Variants in PCSK5 observed in about 807,000 individuals in gnomAD.
PCSK5 encodes proprotein convertase subtilisin/kexin type 5.
A neutral mutation model predicts 233.2 loss-of-function variants in PCSK5; 129 were observed. That is an observed-to-expected ratio of 0.55 (90% CI 0.48 to 0.64). PCSK5 has a LOEUF of 0.64. Ranked by LOEUF, PCSK5 falls within the 30% of genes least tolerant of loss-of-function variation. The pLI is 0.00. For synonymous variants in PCSK5, 825 were observed against 879.2 expected (o/e 0.94, Z 1.09); for missense variants, 2,076 against 2,430.1 (o/e 0.85, Z 3.06).
intron 24 of PCSK5, among the ~76,000 whole-genome samples, chr9:76,241,437 A>G (rs1826428651): frequency 6.6e-6 from 1 of 152,200 alleles, no homozygotes; most frequent in South Asian, 2.1e-4. Context: ...GCCAGACTCC[A>G]TCTTAAAACA....
At chr9:76,051,314 C>T (rs1010542695) in intron 5 of PCSK5, among the ~76,000 whole-genome samples, 18 of 152,140 alleles carry the variant, frequency 1.2e-4, no homozygotes, top group Non-Finnish European at 1.5e-4. Context: ...GAATATTCCC[C>T]GCCAAGACTG....
intron 13 of PCSK5, among the ~76,000 whole-genome samples, chr9:76,170,464 A>G (rs1823283279): frequency 6.6e-6 from 1 of 152,226 alleles, no homozygotes; most frequent in Non-Finnish European, 1.5e-5. Flanking sequence ...GCTAACCTGT[A>G]AAGCTTGTTT....
At position 76,361,016 on chromosome 9, in the gene PCSK5, T is replaced by C. The variant is rs959545661; in HGVS notation, c.*2094T>C. ...AGTTTTCAGAGATCATACATGTACA[T>C]GTATGATATGCCTCCAAAAATTTTG... On this transcript the variant is annotated 3_prime_UTR_variant, in exon 38 of 38. Coordinates refer to ENST00000674117, the MANE Select transcript of PCSK5 (RefSeq NM_001372043.1). 1 of 152,194 alleles carries C rather than the reference T, an allele frequency of 6.6e-6. No individual in the cohort carries two copies. Among genetic ancestry groups the C allele is most frequent in the African/African-American group, 2.4e-5 (1 of 41,450 alleles). The allele number at this position is 152,194 out of a possible 1,614,324, so 9.4% of individuals were successfully genotyped here. A position where few individuals can be genotyped will look rare whatever the true frequency, so the allele number is the denominator to read the frequency against.
At chr9:76,179,783 C>A in intron 15 of PCSK5, 85 bp downstream of exon 15, 1 of 909,064 alleles carries the variant, frequency 1.1e-6, no homozygotes, top group Non-Finnish European at 1.8e-6. Flanking sequence ...GGGGTGTGTG[C>A]AGGCCACTGG....
chr9:76,359,334 T>G lies in PCSK5; in HGVS notation c.*412T>G, dbSNP rs1342041139. 1.2e-5 allele frequency: 2 copies of G among 168,764 alleles called. No individual in the cohort carries two copies. The highest frequency in any genetic ancestry group is 4.8e-5 in the African/African-American group (2 of 41,864). The allele number at this position is 168,764 out of a possible 1,614,324, so 10.5% of individuals were successfully genotyped here. On this transcript the variant is annotated 3_prime_UTR_variant, in exon 38 of 38. Transcript: ENST00000674117. ...TGCCTCCTGGTATTCTAATTTTTCT[T>G]TATCTAATTTTGGGGATAATGGAGG...
At chr9:76,105,114 A>G (rs1016047372) in intron 8 of PCSK5, among the ~76,000 whole-genome samples, 1 of 152,222 alleles carries the variant, frequency 6.6e-6, no homozygotes, top group Non-Finnish European at 1.5e-5. Flanking sequence ...CCTTCTTCAC[A>G]ATAGCTGAGA....
At position 76,026,982 on chromosome 9, in the gene PCSK5, G is replaced by A. The variant is rs769593905; in HGVS notation, c.577G>A (p.Val193Met). Residue 193 changes from valine to methionine, a missense_variant, in exon 5 of 38, where the codon GTG becomes ATG. Coordinates refer to ENST00000674117, the MANE Select transcript of PCSK5 (RefSeq NM_001372043.1). The stretch of plus-strand genomic sequence containing the variant: ...ATAGGATGCTCTGGCAAGTTGCGAC[G>A]TGAATGGGAATGACTTGGACCCAAT... ...QNYDALASCD[V>M]NGNDLDPMPR... The A allele has an allele frequency of 8.1e-6, 13 of 1,608,568 alleles. No homozygotes were observed. The highest frequency in any genetic ancestry group is 2.2e-5 in the East Asian group (1 of 44,594).
chr9:76,074,995 G>A (rs142575878), intron 7 of PCSK5, among the ~76,000 whole-genome samples: 3,485 of 152,130 alleles, frequency 0.023, 131 homozygotes, highest in African/African-American at 0.079. Context: ...CAAGGAGGGC[G>A]GATCACCTGA....
At chr9:76,174,886 C>T (rs948302153) in intron 13 of PCSK5, 100 bp from the exon 14 acceptor site, 1 of 1,061,830 alleles carries the variant, frequency 9.4e-7, no homozygotes, top group Admixed American at 2.3e-5. Flanking sequence ...CTGCCTCCCA[C>T]AGTTCTGTTG....
chr9:76,008,443 A>G (rs1473596241), intron 3 of PCSK5, among the ~76,000 whole-genome samples: 1 of 151,178 alleles, frequency 6.6e-6, no homozygotes, highest in Non-Finnish European at 1.5e-5. Flanking sequence ...AGCAAATAGA[A>G]CACTGCATAT....
intron 3 of PCSK5, among the ~76,000 whole-genome samples, chr9:76,012,090 G>A (rs1827750950): frequency 6.6e-6 from 1 of 152,078 alleles, no homozygotes; most frequent in Admixed American, 6.6e-5. Flanking sequence ...TATCTAAAAG[G>A]CATTGAATAA....
intron 9 of PCSK5, among the ~76,000 whole-genome samples, chr9:76,133,778 T>C (rs1367505951): frequency 6.6e-6 from 1 of 152,068 alleles, no homozygotes; most frequent in African/African-American, 2.4e-5. Context: ...TCCAAGCTTT[T>C]ATACAAAGGA....
In PCSK5 at chr9:76,338,378, G is replaced by T. The variant is rs1272652509; in HGVS notation, c.4897G>T (p.Asp1633Tyr). The change falls in exon 35 of 38, where the codon GAC (aspartate) becomes TAC (tyrosine). Residue 1633 changes from aspartate (D) to tyrosine (Y), a missense_variant. By Grantham distance (160) the Asp-to-Tyr change is radical. Coordinates refer to ENST00000674117, the MANE Select transcript of PCSK5 (RefSeq NM_001372043.1). The stretch of plus-strand genomic sequence containing the variant: ...AGGAGAGTGTCATCGCTCCTGCCCA[G>T]ACCATTACTATGTAGAGCAAAGCAC... ...SKGECHRSCP[D>Y]HYYVEQSTQT... 6.2e-7 allele frequency: 1 copy of T among 1,612,482 alleles called. No homozygotes were observed. The highest frequency in any genetic ancestry group is 1.3e-5 in the African/African-American group (1 of 74,846).
intron 1 of PCSK5, among the ~76,000 whole-genome samples, chr9:75,923,875 G>A (rs62555875): frequency 0.089 from 13,562 of 152,092 alleles, 798 homozygotes; most frequent in African/African-American, 0.16. Flanking sequence ...CATCTTCGGA[G>A]CCAGCAGCAT....
intron 3 of PCSK5, among the ~76,000 whole-genome samples, chr9:76,011,773 TC>T (rs1016417308): frequency 2.6e-5 from 4 of 152,218 alleles, no homozygotes; most frequent in African/African-American, 9.6e-5. Flanking sequence ...GATTTGCCCT[TC>T]CATGGCCAGA....
chr9:75,990,019 T>C (rs1587466139), intron 3 of PCSK5, among the ~76,000 whole-genome samples: 1 of 152,162 alleles, frequency 6.6e-6, no homozygotes, highest in Non-Finnish European at 1.5e-5. Context: ...TTGTTGTTAT[T>C]CTCTGACTTC....
rs1393879236 is a variant in PCSK5, at chr9:76,323,303, G to A, written c.4339+15G>A. ...GGAGTGCAGAGGTAAAGACTTCTGG[G>A]ATTCAAAATAGGCTCCGGGGTTTGC... On this transcript the variant is annotated intron_variant, in intron 32 of 37. Coordinates refer to ENST00000674117, the MANE Select transcript of PCSK5 (RefSeq NM_001372043.1). 4 of 1,481,496 alleles carry A rather than the reference G, an allele frequency of 2.7e-6. No individual in the cohort carries two copies. Among genetic ancestry groups the A allele is most frequent in the African/African-American group, 1.4e-5 (1 of 72,028 alleles). 91.8% of individuals were successfully genotyped at this position (1,481,496 alleles called of 1,614,324 possible).
At position 76,189,702 on chromosome 9, in the gene PCSK5, T is replaced by C; in HGVS notation, c.2582T>C (p.Leu861Pro). The C allele has an allele frequency of 6.2e-7, 1 of 1,612,660 alleles. No homozygotes were observed. The change falls in exon 20 of 38, where the codon CTC becomes CCC. Residue 861 changes from leucine to proline, a missense_variant. By Grantham distance (98) the Leu-to-Pro change is moderately conservative. Around this residue, in one of 6 missense-constraint regions of PCSK5, gnomAD observed 1,510 missense variants for 1,538.1 expected, o/e 0.98. Coordinates refer to ENST00000674117, the MANE Select transcript of PCSK5 (RefSeq NM_001372043.1). ...TGTACAAGCTGCCCTAGTGGGTATCTCTTAGACTTAGGAATGTGTCAAATG... is the reference window on the plus strand; with the variant it reads ...TGTACAAGCTGCCCTAGTGGGTATCCCTTAGACTTAGGAATGTGTCAAATG... ...KNCTSCPSGYLLDLGMCQMGA... is the reference protein window; with the variant it reads ...KNCTSCPSGYPLDLGMCQMGA...
At chr9:76,132,086 A>T (rs776846738) in intron 9 of PCSK5, among the ~76,000 whole-genome samples, 3 of 152,088 alleles carry the variant, frequency 2.0e-5, no homozygotes, top group Non-Finnish European at 4.4e-5. Flanking sequence ...TAACTAGGAC[A>T]TACCATCTTA....
Sources: allele counts gnomAD v4.1 joint callset (sites outside exome capture counted in the v4.1 genomes callset), GRCh38; gene constraint gnomAD v4.1.1; regional missense constraint gnomAD v4.1.1; transcripts MANE v1.5; gene names NCBI Gene and HGNC (gene_info 2026-07-23, HGNC 2026-07-21).